Variants in CADM2 observed in about 807,000 individuals in gnomAD.
CADM2 encodes the protein cell adhesion molecule 2, also known as immunoglobulin superfamily member 4D.
Under a neutral mutation model 49.8 loss-of-function variants are expected in CADM2, and 12 were observed. The observed-to-expected ratio is 0.24, with a 90% CI of 0.15 to 0.39. The LOEUF is 0.39. Among genes scored for constraint, CADM2 ranks in the 10% least tolerant of loss-of-function variants. CADM2 has a pLI of 1.00. For missense variants in CADM2, 378 were observed against 492.3 expected (o/e 0.77, Z 2.20); for synonymous variants, 214 against 175.4 (o/e 1.22, Z -1.74).
At chr3:85,188,398 A>G (rs953726440) in intron 1 of CADM2, among the ~76,000 whole-genome samples, 3 of 152,132 alleles carry the variant, frequency 2.0e-5, no homozygotes, top group Admixed American at 6.5e-5. Flanking sequence ...CCATGTAGGT[A>G]CTCAAAAAGT....
At chr3:86,035,578 G>A (rs1227877110) in intron 8 of CADM2, among the ~76,000 whole-genome samples, 3 of 151,950 alleles carry the variant, frequency 2.0e-5, no homozygotes, top group Non-Finnish European at 2.9e-5. Flanking sequence ...TCTAACATTA[G>A]GCTCAGGATC....
At chr3:85,107,621 CTTTCTTTCTT>C (rs1559666030) in intron 1 of CADM2, among the ~76,000 whole-genome samples, 5 of 142,564 alleles carry the variant, frequency 3.5e-5, no homozygotes, top group South Asian at 2.3e-4. Context: ...TTCTTTCTTT[CTTTCTTTCTT>C]TTTCTTTCTT....
chr3:85,855,223 T>C (rs1038770813), intron 3 of CADM2, among the ~76,000 whole-genome samples: 3 of 152,084 alleles, frequency 2.0e-5, no homozygotes, highest in African/African-American at 7.2e-5. Context: ...ACACCCTCAC[T>C]AGAACACAGT....
At chr3:85,803,488 G>A (rs967067068) in intron 3 of CADM2, among the ~76,000 whole-genome samples, 4 of 119,770 alleles carry the variant, frequency 3.3e-5, no homozygotes, top group African/African-American at 6.7e-5. Flanking sequence ...CAGACAGATA[G>A]ATAGATAGAT....
chr3:86,041,106 G>A lies in CADM2; in HGVS notation c.971-24499G>A, dbSNP rs1050469774. 3.3e-4 allele frequency among the ~76,000 whole-genome samples: 50 copies of A among 152,206 alleles called. 1 individual carries two copies. The highest frequency in any genetic ancestry group is 1.1e-3 in the African/African-American group (46 of 41,536). On this transcript the variant is annotated intron_variant, in intron 8 of 9. Transcript: ENST00000383699. ...ACACTAAACGTGGAAAGGAACAACC[G>A]GTACCAGCCACTGCAAAAACATGCC...
At chr3:85,432,894 A>T (rs1338143625) in intron 1 of CADM2, among the ~76,000 whole-genome samples, 1 of 152,056 alleles carries the variant, frequency 6.6e-6, no homozygotes, top group African/African-American at 2.4e-5. Flanking sequence ...ATCTCATATC[A>T]TTTAATACAG....
intron 1 of CADM2, among the ~76,000 whole-genome samples, chr3:85,207,901 C>A (rs114442174): frequency 5.2e-4 from 79 of 152,108 alleles, no homozygotes; most frequent in Middle Eastern, 3.4e-3. Flanking sequence ...TTCCTTTCTC[C>A]TTTGTTTTGT....
chr3:85,459,695 C>G (rs1165493628), intron 1 of CADM2, among the ~76,000 whole-genome samples: 2 of 152,150 alleles, frequency 1.3e-5, no homozygotes, highest in Non-Finnish European at 2.9e-5. Context: ...AATTGTATAT[C>G]ATTTATTTTA....
At chr3:85,365,571 C>A (rs2032723423) in intron 1 of CADM2, among the ~76,000 whole-genome samples, 1 of 152,048 alleles carries the variant, frequency 6.6e-6, no homozygotes, top group Non-Finnish European at 1.5e-5. Flanking sequence ...TAATCCACTC[C>A]TGATTTTTTA....
intron 1 of CADM2, among the ~76,000 whole-genome samples, chr3:85,482,400 A>G (rs1044163194): frequency 3.3e-5 from 5 of 151,752 alleles, no homozygotes; most frequent in African/African-American, 9.7e-5. Flanking sequence ...AAATAATGAA[A>G]TAATTAAAGC....
intron 8 of CADM2, among the ~76,000 whole-genome samples, chr3:86,000,445 A>C (rs765824367): frequency 2.6e-5 from 4 of 152,192 alleles, no homozygotes; most frequent in Non-Finnish European, 5.9e-5. Flanking sequence ...ATAAAGAGCA[A>C]GATGGATATA....
At chr3:85,603,080 C>G (rs1356790200) in intron 1 of CADM2, among the ~76,000 whole-genome samples, 3 of 151,846 alleles carry the variant, frequency 2.0e-5, no homozygotes, top group South Asian at 2.1e-4. Flanking sequence ...GTCCCTTTCT[C>G]TACTAGCTGA....
chr3:85,743,330 A>G (rs978407667), intron 2 of CADM2, among the ~76,000 whole-genome samples: 2 of 152,194 alleles, frequency 1.3e-5, no homozygotes, highest in African/African-American at 2.4e-5. Flanking sequence ...TTGGAAGTGA[A>G]TATCAAGTAG....
rs1198784008 is a variant in CADM2, at chr3:85,098,604, A to T, written c.61+138936A>T. Among the ~76,000 whole-genome samples the T allele has an allele frequency of 2.6e-5, 4 of 152,144 alleles. No homozygotes were observed. The East Asian group carries it at 7.7e-4, about 29-fold the overall frequency. On this transcript the variant is annotated intron_variant, in intron 1 of 9. Transcript: ENST00000383699. ...GACATCTAGTTTTATAAAAATTCTGATATGAAGCTAAAAGAATGTAAGGCT... is the reference window on the plus strand; with the variant it reads ...GACATCTAGTTTTATAAAAATTCTGTTATGAAGCTAAAAGAATGTAAGGCT...
intron 1 of CADM2, among the ~76,000 whole-genome samples, chr3:84,962,122 C>T (rs1348021653): frequency 1.3e-5 from 2 of 149,986 alleles, no homozygotes; most frequent in Non-Finnish European, 3.0e-5. Context: ...CAACCAGCAG[C>T]AACACCAGCA....
intron 2 of CADM2, among the ~76,000 whole-genome samples, chr3:85,764,683 C>G (rs746578518): frequency 6.6e-6 from 1 of 152,006 alleles, no homozygotes; most frequent in Non-Finnish European, 1.5e-5. Flanking sequence ...AGAGTGGGGT[C>G]ATTTCAAGAA....
intron 1 of CADM2, among the ~76,000 whole-genome samples, chr3:84,997,474 ATAAG>A (rs1488325716): frequency 6.6e-6 from 1 of 152,074 alleles, no homozygotes; most frequent in Non-Finnish European, 1.5e-5. Flanking sequence ...CATAGAAAAT[ATAAG>A]TTTATTTTTC....
At chr3:86,028,820 A>G (rs998313614) in intron 8 of CADM2, among the ~76,000 whole-genome samples, 1 of 152,182 alleles carries the variant, frequency 6.6e-6, no homozygotes, top group African/African-American at 2.4e-5. Flanking sequence ...AAATGAGGTG[A>G]TAATACCTGG....
chr3:85,620,463 A>G (rs1451086192), intron 1 of CADM2, among the ~76,000 whole-genome samples: 6 of 152,058 alleles, frequency 3.9e-5, no homozygotes, highest in Non-Finnish European at 8.8e-5. Flanking sequence ...AAATTTATGA[A>G]AAATTTTTAA....
Sources: allele counts gnomAD v4.1 joint callset (sites outside exome capture counted in the v4.1 genomes callset), GRCh38; gene constraint gnomAD v4.1.1; transcripts MANE v1.5; gene names NCBI Gene and HGNC (gene_info 2026-07-23, HGNC 2026-07-21).